NFIA: variants seen among roughly 807,000 people sequenced by gnomAD.
NFIA encodes the protein nuclear factor I A, also known as nuclear factor 1 A-type.
Under a neutral mutation model 62.8 loss-of-function variants are expected in NFIA, and 8 were observed. The ratio of observed to expected loss-of-function variants is 0.13; its 90% CI spans 0.07 to 0.23. The LOEUF is 0.23. Ranked by LOEUF, NFIA falls within the 10% of genes least tolerant of loss-of-function variation. The pLI, the probability that NFIA is intolerant of heterozygous loss-of-function variation, is 1.00. For missense variants in NFIA, 410 were observed against 642.1 expected (o/e 0.64, Z 3.91); for synonymous variants, 235 against 238.1 (o/e 0.99, Z 0.12).
At chr1:61,239,766 A>C (rs1366638242) in intron 2 of NFIA, among the ~76,000 whole-genome samples, 1 of 152,184 alleles carries the variant, frequency 6.6e-6, no homozygotes, top group Non-Finnish European at 1.5e-5. Flanking sequence ...TTTAAGAAGG[A>C]ACACTAGAAT....
chr1:61,161,586 A>AACACACACACACACAC, intron 2 of NFIA, among the ~76,000 whole-genome samples: 1 of 149,468 alleles, frequency 6.7e-6, no homozygotes, highest in Non-Finnish European at 1.5e-5. Context: ...CGCCATGTGC[A>AACACACACACACACAC]ACACACACAC....
intron 6 of NFIA, among the ~76,000 whole-genome samples, chr1:61,360,221 CT>C (rs1422231778): frequency 6.6e-6 from 1 of 152,182 alleles, no homozygotes; most frequent in Non-Finnish European, 1.5e-5. Context: ...ATGGATAAGT[CT>C]GATTGCAAAA....
chr1:61,086,903 G>A (rs1178347265), intron 1 of NFIA, among the ~76,000 whole-genome samples: 2 of 152,020 alleles, frequency 1.3e-5, no homozygotes, highest in Non-Finnish European at 1.5e-5. Context: ...ACACCATTTA[G>A]CAAAAAAGCC....
chr1:61,115,406 A>G (rs1002591143), intron 2 of NFIA, among the ~76,000 whole-genome samples: 3 of 152,242 alleles, frequency 2.0e-5, no homozygotes, highest in Non-Finnish European at 2.9e-5. Flanking sequence ...GGGAAGAGGC[A>G]AAATGTATTA....
chr1:61,398,019 A>G (rs1665368194), intron 7 of NFIA, among the ~76,000 whole-genome samples: 1 of 152,234 alleles, frequency 6.6e-6, no homozygotes, highest in Non-Finnish European at 1.5e-5. Flanking sequence ...CTCACAGAGC[A>G]CAGCAGGTGC....
intron 9 of NFIA, among the ~76,000 whole-genome samples, chr1:61,422,281 C>T (rs1289433543): frequency 1.3e-5 from 2 of 152,156 alleles, no homozygotes; most frequent in African/African-American, 4.8e-5. Flanking sequence ...AAAGAAACCT[C>T]AACTGACGTT....
chr1:61,170,030 G>A (rs1649848174), intron 2 of NFIA, among the ~76,000 whole-genome samples: 1 of 152,132 alleles, frequency 6.6e-6, no homozygotes, highest in Admixed American at 6.5e-5. Flanking sequence ...TAGTCGTTGG[G>A]CATTTGTTGT....
rs185333151 is a variant in NFIA, at chr1:61,101,029, T to C, written c.559+12349T>C. 5.9e-5 allele frequency among the ~76,000 whole-genome samples: 9 copies of C among 152,204 alleles called. No individual in the cohort carries two copies. In the East Asian group the frequency reaches 1.7e-3, roughly 29 times the overall value. On this transcript the variant is annotated intron_variant, in intron 2 of 10. Coordinates refer to ENST00000403491, the MANE Select transcript of NFIA (RefSeq NM_001134673.4). ...TTGTGTTAAATTTTTTGTTTTCTTA[T>C]ATCAAAAATATTTTTGTAAATGTAA...
intron 2 of NFIA, 39 bp from the exon 3 acceptor site, chr1:61,277,481 A>C (rs866303966): frequency 6.2e-7 from 1 of 1,608,220 alleles, no homozygotes; most frequent in Middle Eastern, 1.7e-4. Flanking sequence ...TTTCCCTTGC[A>C]GACCCTGTAA....
intron 9 of NFIA, among the ~76,000 whole-genome samples, chr1:61,413,191 T>A (rs952208438): frequency 6.6e-6 from 1 of 152,140 alleles, no homozygotes; most frequent in Non-Finnish European, 1.5e-5. Flanking sequence ...TAAGTTACCT[T>A]TATTATTTAT....
At chr1:61,207,791 T>G (rs998003135) in intron 2 of NFIA, among the ~76,000 whole-genome samples, 4 of 152,180 alleles carry the variant, frequency 2.6e-5, no homozygotes, top group Admixed American at 2.0e-4. Flanking sequence ...CGTAGGCCCT[T>G]TATTTATTCA....
intron 2 of NFIA, among the ~76,000 whole-genome samples, chr1:61,111,701 C>T (rs2100454170): frequency 6.6e-6 from 1 of 152,198 alleles, no homozygotes; most frequent in African/African-American, 2.4e-5. Context: ...TAGCATTTAT[C>T]AAAACTTTCT....
intron 3 of NFIA, among the ~76,000 whole-genome samples, chr1:61,286,418 ACT>A (rs1424254469): frequency 3.0e-5 from 4 of 133,366 alleles, no homozygotes; most frequent in Admixed American, 2.3e-4. Context: ...ACCGAGCGAG[ACT>A]CTGTCTCAAA....
At chr1:61,218,903 T>G (rs1255027503) in intron 2 of NFIA, among the ~76,000 whole-genome samples, 1 of 152,198 alleles carries the variant, frequency 6.6e-6, no homozygotes, top group African/African-American at 2.4e-5. Flanking sequence ...ACTTGTGTTT[T>G]TAAAACATTT....
At chr1:61,086,728 T>C (rs1267005021) in intron 1 of NFIA, among the ~76,000 whole-genome samples, 1 of 152,172 alleles carries the variant, frequency 6.6e-6, no homozygotes, top group Non-Finnish European at 1.5e-5. Flanking sequence ...ACAACACGAC[T>C]ATTAAATATT....
At chr1:61,316,617 A>T (rs910722034) in intron 3 of NFIA, among the ~76,000 whole-genome samples, 2 of 152,144 alleles carry the variant, frequency 1.3e-5, no homozygotes, top group Non-Finnish European at 2.9e-5. Flanking sequence ...GATGAGAAAC[A>T]TTGTAGTGGT....
intron 2 of NFIA, among the ~76,000 whole-genome samples, chr1:61,160,055 T>C (rs928561372): frequency 1.3e-5 from 2 of 152,214 alleles, no homozygotes; most frequent in Non-Finnish European, 2.9e-5. Context: ...AGACATTCTT[T>C]GGATACCTTT....
intron 3 of NFIA, among the ~76,000 whole-genome samples, chr1:61,311,398 AC>A (rs1660108436): frequency 9.9e-6 from 1 of 101,052 alleles, no homozygotes; most frequent in African/African-American, 3.1e-5. Context: ...TCTCAAAAAA[AC>A]AAAAAACAAA....
At chr1:61,158,769 C>T (rs1298406631) in intron 2 of NFIA, among the ~76,000 whole-genome samples, 1 of 152,112 alleles carries the variant, frequency 6.6e-6, no homozygotes, top group Non-Finnish European at 1.5e-5. Flanking sequence ...TATAACACTT[C>T]CTGTATGTGA....
Sources: gnomAD v4.1 joint callset for allele counts (sites outside exome capture counted in the v4.1 genomes callset) on GRCh38, gnomAD v4.1.1 for gene constraint, MANE v1.5 for transcripts, NCBI Gene and HGNC (gene_info 2026-07-23, HGNC 2026-07-21) for gene names.